The following PCDH15 variants were observed in gnomAD, a reference collection of about 807,000 sequenced individuals.
The protein encoded by PCDH15 is protocadherin related 15, also known as protocadherin-15.
A neutral mutation model predicts 178.5 loss-of-function variants in PCDH15; 129 were observed. That is an observed-to-expected ratio of 0.72 (90% confidence interval 0.63 to 0.84). PCDH15 has a LOEUF of 0.84. Among genes scored for constraint, PCDH15 ranks in the 40% least tolerant of loss-of-function variants. The pLI, the probability that PCDH15 is intolerant of heterozygous loss-of-function variation, is 0.00. For synonymous variants in PCDH15, 800 were observed against 732.0 expected, an observed-to-expected ratio of 1.09 and a Z score of -1.50; for missense variants, 2,230 against 2,099.9, an observed-to-expected ratio of 1.06 and a Z score of -1.21.
At chr10:55,364,840 T>G (rs752264643) in intron 2 of PCDH15, among the ~76,000 whole-genome samples, 5 of 152,118 alleles carry the variant, frequency 3.3e-5, no homozygotes, top group Non-Finnish European at 7.4e-5. Flanking sequence ...TGCCCTCTTT[T>G]GTCTCCCTTC....
intron 2 of PCDH15, among the ~76,000 whole-genome samples, chr10:55,432,470 A>C (rs1838906802): frequency 6.6e-6 from 1 of 152,160 alleles, no homozygotes; most frequent in South Asian, 2.1e-4. Flanking sequence ...GGGTTATTGG[A>C]AGGCAAGGAT....
At chr10:54,744,822 T>A (rs1284817238) in intron 1 of PCDH15, among the ~76,000 whole-genome samples, 2 of 152,122 alleles carry the variant, frequency 1.3e-5, no homozygotes, top group Non-Finnish European at 2.9e-5. Context: ...TGTGGCCGAT[T>A]TAAGCAGCAA....
chr10:54,890,245 C>A (rs1295001731), intron 3 of PCDH15, among the ~76,000 whole-genome samples: 4 of 151,940 alleles, frequency 2.6e-5, no homozygotes, highest in Admixed American at 2.6e-4. Context: ...GCTGTAATGG[C>A]TTTGCATAAA....
At chr10:54,036,567 G>C (rs56399008) in intron 18 of PCDH15, among the ~76,000 whole-genome samples, 1 of 151,692 alleles carries the variant, frequency 6.6e-6, no homozygotes, top group Non-Finnish European at 1.5e-5. Flanking sequence ...CCATGGTTGA[G>C]TCCTACTGCT....
chr10:55,626,360 G>A (rs994949542), intron 2 of PCDH15, among the ~76,000 whole-genome samples: 7 of 152,048 alleles, frequency 4.6e-5, no homozygotes, highest in African/African-American at 1.7e-4. Flanking sequence ...CAGCACGCAT[G>A]TGTGAAAAAG....
At chr10:54,309,800 GA>G (rs545518680) in intron 8 of PCDH15, among the ~76,000 whole-genome samples, 63 of 146,006 alleles carry the variant, frequency 4.3e-4, no homozygotes, top group South Asian at 6.5e-4. Context: ...CTCAAAAAAA[GA>G]AAAAAAAAAT....
At chr10:54,916,678 A>T (rs1224991624) in intron 2 of PCDH15, among the ~76,000 whole-genome samples, 1 of 152,146 alleles carries the variant, frequency 6.6e-6, no homozygotes, top group Non-Finnish European at 1.5e-5. Context: ...TCACAATCCG[A>T]TATCACCTTT....
At chr10:54,153,365 A>G in intron 13 of PCDH15, 72 bp from the exon 14 acceptor site, 1 of 1,511,914 alleles carries the variant, frequency 6.6e-7, no homozygotes, top group Non-Finnish European at 9.2e-7. Flanking sequence ...TTTTCCCCCA[A>G]CAAAAGAAGC....
At chr10:54,827,063 C>T (rs1953144089) in intron 3 of PCDH15, among the ~76,000 whole-genome samples, 1 of 152,060 alleles carries the variant, frequency 6.6e-6, no homozygotes, top group South Asian at 2.1e-4. Flanking sequence ...TCCAAGTGCA[C>T]ATATGGGAAT....
intron 3 of PCDH15, among the ~76,000 whole-genome samples, chr10:54,412,399 G>T (rs571861490): frequency 6.6e-6 from 1 of 151,940 alleles, no homozygotes; most frequent in African/African-American, 2.4e-5. Flanking sequence ...GATCTTACAG[G>T]TATTGTAGTT....
At chr10:54,875,639 A>G (rs1040641452) in intron 3 of PCDH15, among the ~76,000 whole-genome samples, 1 of 152,200 alleles carries the variant, frequency 6.6e-6, no homozygotes, top group African/African-American at 2.4e-5. Context: ...AAGAAGTTTG[A>G]AAGATCTGGA....
rs565828420 is a variant in PCDH15 at position 54,208,083 on chromosome 10, A to T, written c.1098+5853T>A. On this transcript the variant is annotated intron_variant, in intron 10 of 37. Transcript: ENST00000644397. ...TTGTGTGGCAATCTGCTAAGTTTAA[A>T]AAAAAGGAGAACACAAAATTAAAAT... Among the ~76,000 whole-genome samples, 28 of 152,116 alleles carry T rather than the reference A, an allele frequency of 1.8e-4. 1 individual carries two copies. In the South Asian group the frequency reaches 5.8e-3, roughly 31 times the overall value.
At chr10:55,318,583 A>G (rs1843793393) in intron 1 of PCDH15, among the ~76,000 whole-genome samples, 1 of 152,176 alleles carries the variant, frequency 6.6e-6, no homozygotes, top group East Asian at 1.9e-4. Context: ...AATTCAGTGC[A>G]GAGAAAATAT....
chr10:54,679,367 A>G (rs959586294), intron 1 of PCDH15, among the ~76,000 whole-genome samples: 1 of 152,178 alleles, frequency 6.6e-6, no homozygotes, highest in Non-Finnish European at 1.5e-5. Flanking sequence ...CAAATAAAAA[A>G]CACACTAGCA....
chr10:55,525,333 G>C (rs2132169893), intron 2 of PCDH15, among the ~76,000 whole-genome samples: 1 of 151,844 alleles, frequency 6.6e-6, no homozygotes, highest in Non-Finnish European at 1.5e-5. Flanking sequence ...AACCATCCAA[G>C]CTATGAACAA....
chr10:54,200,719 C>A (rs569363016), intron 10 of PCDH15, among the ~76,000 whole-genome samples: 8 of 152,132 alleles, frequency 5.3e-5, no homozygotes, highest in Non-Finnish European at 1.0e-4. Context: ...AACAGCTTCT[C>A]GGTTCTCTTC....
chr10:55,580,582 C>T (rs1842595352), intron 2 of PCDH15, among the ~76,000 whole-genome samples: 1 of 151,930 alleles, frequency 6.6e-6, no homozygotes, highest in South Asian at 2.1e-4. Flanking sequence ...GGTCTGGTCT[C>T]AAACGCCTGA....
intron 3 of PCDH15, among the ~76,000 whole-genome samples, chr10:54,835,440 T>C (rs1010486301): frequency 6.6e-6 from 1 of 152,136 alleles, no homozygotes; most frequent in Non-Finnish European, 1.5e-5. Flanking sequence ...CACACAGTAT[T>C]TTTTATGTAC....
intron 3 of PCDH15, among the ~76,000 whole-genome samples, chr10:54,446,724 G>A (rs930306502): frequency 6.6e-6 from 1 of 151,334 alleles, no homozygotes; most frequent in Non-Finnish European, 1.5e-5. Context: ...TGAGATTTTA[G>A]TATCTCAGCA....
Sources: gnomAD v4.1 joint callset for allele counts (sites outside exome capture counted in the v4.1 genomes callset) on GRCh38, gnomAD v4.1.1 for gene constraint, MANE v1.5 for transcripts, NCBI Gene and HGNC (gene_info 2026-07-23, HGNC 2026-07-21) for gene names.